EIF3J: variants seen among roughly 807,000 people sequenced by gnomAD.
EIF3J encodes the protein eukaryotic translation initiation factor 3 subunit J, also known as eukaryotic translation initiation factor 3, subunit 1 (alpha, 35kD).
EIF3J carries 15 observed loss-of-function variants against 39.0 expected under a neutral mutation model. That is an observed-to-expected ratio of 0.38 (90% CI 0.26 to 0.59). The LOEUF (loss-of-function observed/expected upper bound fraction) is 0.59, where lower values mean the gene tolerates loss of function less well. EIF3J is among the 20% of genes least tolerant of loss of function. The probability of loss-of-function intolerance (pLI) is 0.60; values close to 1 mark genes in which losing one functional copy is unlikely to be tolerated. For synonymous variants in EIF3J, 98 were observed against 112.9 expected (o/e 0.87, Z 0.84); for missense variants, 226 against 308.6 (o/e 0.73, Z 2.00).
At chr15:44,547,079 C>G (rs1307290643) in intron 2 of EIF3J, among the ~76,000 whole-genome samples, 1 of 151,928 alleles carries the variant, frequency 6.6e-6, no homozygotes, top group Non-Finnish European at 1.5e-5. Context: ...CTGCCTCGGC[C>G]TCCCAAAGTG....
At position 44,561,659 on chromosome 15, in the gene EIF3J, A is replaced by T. The variant is rs1385780217; in HGVS notation, c.*510A>T. The T allele has an allele frequency of 6.6e-6, 1 of 152,654 alleles. No homozygotes were observed. The highest frequency in any genetic ancestry group is 1.5e-5 in the Non-Finnish European group (1 of 68,094). 9.5% of individuals were successfully genotyped at this position (152,654 alleles called of 1,614,324 possible). A position where few individuals can be genotyped will look rare whatever the true frequency, so the allele number is the denominator to read the frequency against. On this transcript the variant is annotated 3_prime_UTR_variant, in exon 8 of 8. Coordinates refer to ENST00000261868, the MANE Select transcript of EIF3J (RefSeq NM_003758.4). The stretch of plus-strand genomic sequence containing the variant: ...CATTGTGAAGAAGACTGCTTATCTC[A>T]GAGTGAAGATACTGCGGCTGAAAAG...
intron 2 of EIF3J, among the ~76,000 whole-genome samples, chr15:44,540,437 A>G (rs1431773026): frequency 2.0e-5 from 3 of 148,988 alleles, no homozygotes; most frequent in Admixed American, 6.7e-5. Context: ...GAGACTGGCT[A>G]ATTTTTGTGT....
chr15:44,557,358 T>C (rs1411495555), intron 5 of EIF3J, 131 bp from the exon 6 acceptor site: 1 of 556,646 alleles, frequency 1.8e-6, no homozygotes, highest in African/African-American at 2.0e-5. Context: ...GTGACTCCAG[T>C]GGCTCCAGGT....
chr15:44,545,790 T>A (rs1000573426), intron 2 of EIF3J, among the ~76,000 whole-genome samples: 5 of 152,220 alleles, frequency 3.3e-5, no homozygotes, highest in African/African-American at 1.2e-4. Context: ...CCAGAACTTA[T>A]TCTTCTAACT....
In EIF3J at chr15:44,555,741, A is replaced by G. The variant is rs942749993; in HGVS notation, c.409+1074A>G. Reference sequence around the variant, plus strand: ...AACATGCATTCATATAGTCATTGTTAATAGGATTTTACTGTTGTGTTTCTC... The same window carrying G: ...AACATGCATTCATATAGTCATTGTTGATAGGATTTTACTGTTGTGTTTCTC... On this transcript the variant is annotated intron_variant, in intron 5 of 7. Transcript: ENST00000261868. Among the ~76,000 whole-genome samples, 3 of 152,358 alleles carry G rather than the reference A, an allele frequency of 2.0e-5. No homozygotes were observed. The East Asian group carries it at 5.8e-4, about 29-fold the overall frequency.
intron 2 of EIF3J, among the ~76,000 whole-genome samples, chr15:44,549,544 C>T (rs1028254830): frequency 7.2e-5 from 11 of 151,938 alleles, no homozygotes; most frequent in Admixed American, 4.6e-4. Context: ...CCGAGGCGGG[C>T]GGATCATGAG....
chr15:44,557,365 A>C (rs1595807509), intron 5 of EIF3J, 124 bp from the exon 6 acceptor site: 2 of 621,972 alleles, frequency 3.2e-6, no homozygotes, highest in Non-Finnish European at 2.4e-6. Context: ...CAGTGGCTCC[A>C]GGTTCAGAGC....
chr15:44,550,180 G>A (rs149892343), intron 2 of EIF3J, among the ~76,000 whole-genome samples: 1 of 152,268 alleles, frequency 6.6e-6, no homozygotes, highest in East Asian at 1.9e-4. Context: ...TGCAGATAAG[G>A]TAGCATACCT....
At position 44,562,137 on chromosome 15, in the gene EIF3J, C is replaced by G. The variant is rs2082204756; in HGVS notation, c.*988C>G. On this transcript the variant is annotated 3_prime_UTR_variant, in exon 8 of 8. Transcript: ENST00000261868. ...TACTTTTTGAGAGTATAGAACACAG[C>G]TCTTGGGAGTACAGTTCTCTACGTT... 1.3e-5 allele frequency: 2 copies of G among 152,606 alleles called. No homozygotes were observed. Among genetic ancestry groups the G allele is most frequent in the African/African-American group, 4.8e-5 (2 of 41,442 alleles). 9.5% of individuals were successfully genotyped at this position (152,606 alleles called of 1,614,324 possible).
At chr15:44,540,995 T>G (rs944464922) in intron 2 of EIF3J, among the ~76,000 whole-genome samples, 10 of 152,240 alleles carry the variant, frequency 6.6e-5, no homozygotes, top group African/African-American at 2.4e-4. Flanking sequence ...CAAATAGCTG[T>G]CTGGCAGTGG....
chr15:44,561,635 A>C lies in EIF3J; in HGVS notation c.*486A>C, dbSNP rs1334586632. On this transcript the variant is annotated 3_prime_UTR_variant, in exon 8 of 8. Transcript: ENST00000261868. ...TTGAACATGAGGATATTAAAAATAC[A>C]TTGTGAAGAAGACTGCTTATCTCAG... is the stretch of plus-strand genomic sequence containing the variant. The C allele has an allele frequency of 6.5e-6, 1 of 152,774 alleles. No individual in the cohort carries two copies. The highest frequency in any genetic ancestry group is 1.5e-5 in the Non-Finnish European group (1 of 68,142). 9.5% of individuals were successfully genotyped at this position (152,774 alleles called of 1,614,324 possible).
At position 44,561,092 on chromosome 15, in the gene EIF3J, G is replaced by A. The variant is rs1478369994; in HGVS notation, c.720G>A (p.Leu240=). Residue 240 remains leucine (L), a synonymous_variant, in exon 8 of 8, where the codon CTG becomes CTA. Coordinates refer to ENST00000261868, the MANE Select transcript of EIF3J (RefSeq NM_003758.4). ...GGLKATMKDD[L]ADYGGYDGGY... is the part of the protein sequence containing the mutation. Reference sequence around the variant, plus strand: ...TAAAAGCCACCATGAAAGATGATCTGGCAGATTATGGTGGTTATGATGGAG... The same window carrying A: ...TAAAAGCCACCATGAAAGATGATCTAGCAGATTATGGTGGTTATGATGGAG... The A allele has an allele frequency of 6.2e-7, 1 of 1,613,536 alleles. No homozygotes were observed. The highest frequency in any genetic ancestry group is 1.3e-5 in the African/African-American group (1 of 74,900).
intron 5 of EIF3J, among the ~76,000 whole-genome samples, chr15:44,557,163 A>C (rs999240874): frequency 1.1e-4 from 16 of 152,280 alleles, no homozygotes; most frequent in Admixed American, 3.3e-4. Context: ...TAATATTGTA[A>C]GATATCTGTA....
At chr15:44,539,846 C>T (rs557600771) in intron 2 of EIF3J, among the ~76,000 whole-genome samples, 30 of 151,896 alleles carry the variant, frequency 2.0e-4, no homozygotes, top group Admixed American at 9.8e-4. Context: ...CTGCAACCTC[C>T]GCCTCCCGGA....
chr15:44,557,848 G>A, intron 6 of EIF3J, 198 bp downstream of exon 6: 2 of 347,436 alleles, frequency 5.8e-6, no homozygotes, highest in Non-Finnish European at 1.0e-5. Context: ...GTTTGTAGGG[G>A]TAAGAGGACT....
rs2082037387 is a variant in EIF3J, at chr15:44,544,489, G to C, written c.148-6387G>C. ...GGAGGCTGAGGTGGGTGGATCACCT[G>C]AGGTCGGGAGTTCAGGACCAGCCTG... On this transcript the variant is annotated intron_variant, in intron 2 of 7. Transcript: ENST00000261868. 2.7e-5 allele frequency among the ~76,000 whole-genome samples: 4 copies of C among 150,912 alleles called. No individual in the cohort carries two copies. In the South Asian group the frequency reaches 8.4e-4, roughly 32 times the overall value.
intron 2 of EIF3J, among the ~76,000 whole-genome samples, chr15:44,549,414 AAAC>A (rs897112516): frequency 1.2e-4 from 18 of 152,086 alleles, no homozygotes; most frequent in Admixed American, 2.6e-4. Context: ...AAACAAAACA[AAAC>A]AACAAAAAAA....
At chr15:44,554,072 T>C (rs1313102272) in intron 4 of EIF3J, among the ~76,000 whole-genome samples, 3 of 152,052 alleles carry the variant, frequency 2.0e-5, no homozygotes, top group Non-Finnish European at 4.4e-5. Flanking sequence ...ATCTTTAAAA[T>C]TGGGTTAAGG....
intron 7 of EIF3J, chr15:44,560,634 A>T (rs2082183875): frequency 2.8e-6 from 1 of 354,720 alleles, no homozygotes; most frequent in Non-Finnish European, 5.1e-6. Context: ...AGGAACAATA[A>T]TACTCACTTT....
Sources: allele counts gnomAD v4.1 joint callset (sites outside exome capture counted in the v4.1 genomes callset), GRCh38; gene constraint gnomAD v4.1.1; transcripts MANE v1.5; gene names NCBI Gene and HGNC (gene_info 2026-07-23, HGNC 2026-07-21).